PLEKHA7: variants seen among roughly 807,000 people sequenced by gnomAD.
PLEKHA7 encodes pleckstrin homology domain containing A7.
In PLEKHA7, 104 loss-of-function variants were observed where a neutral mutation model predicts 170.0. The observed-to-expected ratio is 0.61, with a 90% confidence interval of 0.52 to 0.72. The LOEUF (loss-of-function observed/expected upper bound fraction) is 0.72. Among genes scored for constraint, PLEKHA7 ranks in the 30% least tolerant of loss-of-function variants. The pLI is 0.00. For synonymous variants in PLEKHA7, 648 were observed against 660.8 expected, an observed-to-expected ratio of 0.98 and a Z score of 0.30; for missense variants, 1,615 against 1,671.7, an observed-to-expected ratio of 0.97 and a Z score of 0.59.
At chr11:16,907,122 GC>G (rs1342436578) in intron 3 of PLEKHA7, among the ~76,000 whole-genome samples, 1 of 102,874 alleles carries the variant, frequency 9.7e-6, no homozygotes, top group East Asian at 3.0e-4. Context: ...GTGGGGGTCA[GC>G]CCCCCGCCCG....
intron 13 of PLEKHA7, among the ~76,000 whole-genome samples, chr11:16,806,008 G>A (rs1311305589): frequency 2.6e-5 from 4 of 152,160 alleles, no homozygotes; most frequent in African/African-American, 9.7e-5. Flanking sequence ...TGTTCCGTTT[G>A]CTCATTTGTC....
intron 6 of PLEKHA7, among the ~76,000 whole-genome samples, chr11:16,854,596 C>A (rs572965490): frequency 5.9e-5 from 9 of 152,318 alleles, no homozygotes; most frequent in Non-Finnish European, 8.8e-5. Context: ...GGTAGGAAGG[C>A]TGGATTCAAG....
At chr11:16,818,840 T>G (rs1483006202) in intron 10 of PLEKHA7, among the ~76,000 whole-genome samples, 1 of 152,068 alleles carries the variant, frequency 6.6e-6, no homozygotes, top group East Asian at 1.9e-4. Flanking sequence ...GTCTTGCTCT[T>G]TTGCCCAGGC....
At chr11:16,898,540 T>C (rs1048652822) in intron 3 of PLEKHA7, among the ~76,000 whole-genome samples, 2 of 152,152 alleles carry the variant, frequency 1.3e-5, no homozygotes, top group Non-Finnish European at 2.9e-5. Flanking sequence ...CTTTGGAGCA[T>C]TTCAAGAAGA....
intron 10 of PLEKHA7, among the ~76,000 whole-genome samples, chr11:16,824,073 G>A (rs1850445693): frequency 6.6e-6 from 1 of 152,222 alleles, no homozygotes; most frequent in African/African-American, 2.4e-5. Flanking sequence ...TGAACTCATG[G>A]AGATAGAGTA....
At chr11:16,925,153 A>G (rs1488432480) in intron 3 of PLEKHA7, among the ~76,000 whole-genome samples, 1 of 152,198 alleles carries the variant, frequency 6.6e-6, no homozygotes, top group African/African-American at 2.4e-5. Context: ...CTGTCCCCGC[A>G]GCCCGCACGC....
intron 8 of PLEKHA7, among the ~76,000 whole-genome samples, chr11:16,847,703 G>T (rs1023995633): frequency 6.6e-6 from 1 of 152,026 alleles, no homozygotes; most frequent in Non-Finnish European, 1.5e-5. Flanking sequence ...TTAGCTGGGC[G>T]CAGTGGCAGG....
At chr11:16,833,249 G>A (rs1438448941) in intron 9 of PLEKHA7, among the ~76,000 whole-genome samples, 4 of 152,136 alleles carry the variant, frequency 2.6e-5, no homozygotes, top group African/African-American at 4.8e-5. Flanking sequence ...CCACAGAGAA[G>A]AGCGAGGCTG....
intron 24 of PLEKHA7, among the ~76,000 whole-genome samples, 152 bp from the exon 25 acceptor site, chr11:16,783,985 G>A (rs896935618): frequency 2.6e-5 from 4 of 152,154 alleles, no homozygotes; most frequent in Non-Finnish European, 2.9e-5. Context: ...AGTCAGTTGT[G>A]GAATCCAGGT....
intron 21 of PLEKHA7, 191 bp downstream of exon 21, chr11:16,790,607 A>T: frequency 1.7e-6 from 1 of 593,394 alleles, no homozygotes; most frequent in Non-Finnish European, 3.0e-6. Context: ...GTAACAAAAG[A>T]GGAAGAGAAT....
At chr11:16,996,054 A>G (rs1464627923) in intron 3 of PLEKHA7, among the ~76,000 whole-genome samples, 1 of 152,252 alleles carries the variant, frequency 6.6e-6, no homozygotes, top group Admixed American at 6.5e-5. Context: ...TAGCCATTAT[A>G]GAGAAAAGAC....
chr11:16,971,926 T>C (rs4757459), intron 3 of PLEKHA7, among the ~76,000 whole-genome samples: 146,090 of 151,890 alleles, frequency 0.96, 70,489 homozygotes, highest in Non-Finnish European at 1. Flanking sequence ...TGGGTTCAGG[T>C]GATTCTCATG....
Position 16,789,329 on chromosome 11 carries a change from G to T in PLEKHA7, c.3157-33C>A, listed in dbSNP as rs745438194. ...AGAGGAGGCAGGCAAGAGAGACACA[G>T]AACAGCTGGGCTGGGCACGCAGAGG... On this transcript the variant is annotated intron_variant, in intron 22 of 26. Coordinates refer to ENST00000531066, the MANE Select transcript of PLEKHA7 (RefSeq NM_001329630.2). The surrounding 1 kb of genome is among the most constrained non-coding windows in gnomAD (Gnocchi z 4.6). 2 of 1,604,890 alleles carry T rather than the reference G, an allele frequency of 1.2e-6. No homozygotes were observed. Among genetic ancestry groups the T allele is most frequent in the Non-Finnish European group, 8.5e-7 (1 of 1,175,286 alleles).
Position 16,791,424 on chromosome 11 carries a change from C to T in PLEKHA7, c.2746-225G>A. On this transcript the variant is annotated intron_variant, in intron 19 of 26. Transcript: ENST00000531066. The surrounding 1 kb of genome is among the most constrained non-coding windows in gnomAD (Gnocchi z 4.5). ...CAGAGGTATACAGTTTCTATTCCTC[C>T]AAGTGTTACCTGTATAACTGTGTCC... The T allele has an allele frequency of 1.6e-6, 1 of 617,998 alleles. No homozygotes were observed. The allele number at this position is 617,998 out of a possible 1,614,324, so 38.3% of individuals were successfully genotyped here.
intron 9 of PLEKHA7, among the ~76,000 whole-genome samples, chr11:16,833,225 T>C (rs1302938601): frequency 6.6e-6 from 1 of 152,134 alleles, no homozygotes; most frequent in Non-Finnish European, 1.5e-5. Flanking sequence ...TCCACAATCC[T>C]TCAGGCCTCC....
At chr11:16,909,240 C>T (rs1380398257) in intron 3 of PLEKHA7, among the ~76,000 whole-genome samples, 1 of 152,070 alleles carries the variant, frequency 6.6e-6, no homozygotes, top group African/African-American at 2.4e-5. Flanking sequence ...AAATGTGTGA[C>T]CAAGAGGTGG....
chr11:16,968,498 T>C (rs943071180), intron 3 of PLEKHA7, among the ~76,000 whole-genome samples: 6 of 152,200 alleles, frequency 3.9e-5, no homozygotes, highest in African/African-American at 1.4e-4. Flanking sequence ...CTGGATGCTG[T>C]TGTCCAACTG....
chr11:16,835,940 T>C (rs439224), intron 9 of PLEKHA7, among the ~76,000 whole-genome samples: 24,492 of 152,244 alleles, frequency 0.16, 2,406 homozygotes, highest in African/African-American at 0.27. Context: ...CTTGGGAATG[T>C]GCACCACCTC....
chr11:16,790,461 T>A, intron 21 of PLEKHA7: 1 of 233,856 alleles, frequency 4.3e-6, no homozygotes. Flanking sequence ...TCTCTGGGCC[T>A]TAGTTTCTGT....
Sources: allele counts gnomAD v4.1 joint callset (sites outside exome capture counted in the v4.1 genomes callset), GRCh38; gene constraint gnomAD v4.1.1; non-coding constraint Gnocchi (gnomAD v3.1); transcripts MANE v1.5; gene names NCBI Gene and HGNC (gene_info 2026-07-23, HGNC 2026-07-21).